The following CYP4F11 variants were observed in gnomAD, a reference collection of about 807,000 sequenced individuals.
The protein encoded by CYP4F11 is cytochrome P450 4F11.
A neutral mutation model predicts 62.2 loss-of-function variants in CYP4F11; 79 were observed. The ratio of observed to expected loss-of-function variants is 1.27; its 90% CI spans 1.06 to 1.53. CYP4F11 has a LOEUF of 1.53. Among genes scored for constraint, CYP4F11 ranks in the 40% most tolerant of loss-of-function variants. The pLI, the probability that CYP4F11 is intolerant of heterozygous loss-of-function variation, is 0.00. For missense variants in CYP4F11, 777 were observed against 680.5 expected (o/e 1.14, Z -1.58); for synonymous variants, 290 against 263.7 (o/e 1.10, Z -0.97).
chr19:15,913,950 C>A, intron 11 of CYP4F11, 41 bp from the exon 12 acceptor site: 2 of 1,578,298 alleles, frequency 1.3e-6, no homozygotes, highest in South Asian at 2.4e-5. Context: ...GCCCATGACC[C>A]CCATCCCGGC....
rs1350859276 is a variant in CYP4F11 at position 15,912,519 on chromosome 19, A to G, written c.*1213T>C. The G allele has an allele frequency of 2.6e-5, 4 of 151,890 alleles. No homozygotes were observed. The highest frequency in any genetic ancestry group is 6.6e-5 in the Admixed American group (1 of 15,238). 9.4% of individuals were successfully genotyped at this position (151,890 alleles called of 1,614,324 possible). The stretch of plus-strand genomic sequence containing the variant: ...AAGGAGATCAGCTACAGAAGAGATT[A>G]GAGAAGTCAACAGGGTTTAGCGATG... On this transcript the variant is annotated 3_prime_UTR_variant, in exon 12 of 12. Transcript: ENST00000402119.
chr19:15,923,663 G>C (rs965039125), intron 6 of CYP4F11, 149 bp downstream of exon 6: 2 of 1,107,280 alleles, frequency 1.8e-6, no homozygotes, highest in Admixed American at 2.5e-5. Context: ...GAATTCCACA[G>C]AGTCATCTCT....
chr19:15,929,695 C>A, intron 1 of CYP4F11, 94 bp from the exon 2 acceptor site: 1 of 1,392,086 alleles, frequency 7.2e-7, no homozygotes, highest in Non-Finnish European at 9.8e-7. Flanking sequence ...CCAAGAGATG[C>A]CCAGATAAAA....
intron 1 of CYP4F11, among the ~76,000 whole-genome samples, chr19:15,930,236 G>A (rs1348451561): frequency 6.6e-6 from 1 of 152,152 alleles, no homozygotes; most frequent in Non-Finnish European, 1.5e-5. Flanking sequence ...TCTGGATTCT[G>A]AACAGCTGCA....
rs371022328 is a variant in CYP4F11 at position 15,924,082 on chromosome 19, C to T, written c.648G>A (p.Glu216=). ...TGGCGGCAATATATTCACTGGGCTT[C>T]CTGCATGAAGGAGGTAACAACTTAA... ...CVFSFESNCQ[E]KPSEYIAAIL... is the part of the protein sequence containing the mutation. Residue 216 remains glutamate, a splice_region_variant and synonymous_variant, in exon 6 of 12, where the codon GAG becomes GAA. Transcript: ENST00000402119. The T allele has an allele frequency of 2.5e-6, 4 of 1,612,886 alleles. No homozygotes were observed. Among genetic ancestry groups the T allele is most frequent in the East Asian group, 4.5e-5 (2 of 44,848 alleles).
chr19:15,927,620 G>C, intron 2 of CYP4F11, 137 bp from the exon 3 acceptor site: 1 of 1,170,638 alleles, frequency 8.5e-7, no homozygotes, highest in Non-Finnish European at 1.2e-6. Context: ...CAAGGGTAGA[G>C]GAAGAAGGGA....
At chr19:15,917,688 GA>G (rs1396716701) in intron 8 of CYP4F11, among the ~76,000 whole-genome samples, 1 of 151,812 alleles carries the variant, frequency 6.6e-6, no homozygotes, top group Non-Finnish European at 1.5e-5. Flanking sequence ...ACAAAAGACA[GA>G]AAAAAAGATT....
rs373943777 is a variant in CYP4F11, at chr19:15,934,456, G to C, written c.-48C>G. 1.9e-6 allele frequency: 3 copies of C among 1,601,606 alleles called. No homozygotes were observed. In the Admixed American group the frequency reaches 5.3e-5, roughly 28 times the overall value. On this transcript the variant is annotated 5_prime_UTR_variant, in exon 1 of 12. Transcript: ENST00000402119. The stretch of plus-strand genomic sequence containing the variant: ...GGGTGGGATCCTGAGGCCCAGGGAA[G>C]GGCCCAGGAAGCTCCAAGGACAGTG...
intron 2 of CYP4F11, among the ~76,000 whole-genome samples, chr19:15,928,728 C>A (rs2089687948): frequency 6.6e-6 from 1 of 152,158 alleles, no homozygotes; most frequent in Admixed American, 6.5e-5. Flanking sequence ...CTGGCCTGTT[C>A]AAGCACAGGA....
Position 15,934,294 on chromosome 19 carries a change from A to C in CYP4F11, c.115T>G (p.Tyr39Asp). Reference protein sequence around the residue: ...WLLARVLAWTYTFYDNCRRLQ... With the variant: ...WLLARVLAWTDTFYDNCRRLQ... ...CGGCGGCAGTTGTCATAGAAGGTGT[A>C]GGTCCAGGCCAGGACGCGGGCCAGG... Residue 39 changes from tyrosine to aspartate, a missense_variant, in exon 1 of 12, where the codon TAC (tyrosine) becomes GAC (aspartate). By Grantham distance (160) the Tyr-to-Asp change is radical. Transcript: ENST00000402119. 6.2e-7 allele frequency: 1 copy of C among 1,613,826 alleles called. No individual in the cohort carries two copies. The highest frequency in any genetic ancestry group is 8.5e-7 in the Non-Finnish European group (1 of 1,179,830).
At chr19:15,919,675 C>T (rs574209450) in intron 8 of CYP4F11, among the ~76,000 whole-genome samples, 3 of 151,950 alleles carry the variant, frequency 2.0e-5, no homozygotes, top group African/African-American at 7.2e-5. Flanking sequence ...AATCTGTTCT[C>T]ATCATTGCTT....
intron 7 of CYP4F11, 53 bp downstream of exon 7, chr19:15,922,311 C>T: frequency 2.5e-6 from 4 of 1,609,182 alleles, no homozygotes; most frequent in South Asian, 2.2e-5. Context: ...CCACTACGTT[C>T]CTGGGATGGA....
chr19:15,925,759 C>CACACACACACACA (rs1555777902), intron 4 of CYP4F11, among the ~76,000 whole-genome samples: 7 of 148,932 alleles, frequency 4.7e-5, no homozygotes, highest in South Asian at 2.2e-4. Context: ...CACACACACA[C>CACACACACACACA]CCTGTAGTTG....
intron 6 of CYP4F11, among the ~76,000 whole-genome samples, chr19:15,923,238 C>CTCTCTCTCT (rs2089642090): frequency 1.8e-5 from 2 of 110,458 alleles, no homozygotes; most frequent in African/African-American, 3.6e-5. Flanking sequence ...AAGCAAACAT[C>CTCTCTCTCT]CTCTCTCTCT....
chr19:15,914,294 G>A lies in CYP4F11; in HGVS notation c.1397+11C>T. On this transcript the variant is annotated intron_variant, in intron 11 of 11. Coordinates refer to ENST00000402119, the MANE Select transcript of CYP4F11 (RefSeq NM_021187.4). Reference sequence around the variant, plus strand: ...CATGCCATCTCTGCCTCAGACACAGGCCATCCTTACCTGGGCCCTGCCGAG... The same window carrying A: ...CATGCCATCTCTGCCTCAGACACAGACCATCCTTACCTGGGCCCTGCCGAG... 2 of 1,613,392 alleles carry A rather than the reference G, an allele frequency of 1.2e-6. No individual in the cohort carries two copies. Among genetic ancestry groups the A allele is most frequent in the Non-Finnish European group, 8.5e-7 (1 of 1,179,492 alleles).
Position 15,923,768 on chromosome 19 carries a change from A to G in CYP4F11, c.918+44T>C, listed in dbSNP as rs201872152. The G allele has an allele frequency of 1.0e-4, 161 of 1,581,744 alleles. 1 individual carries two copies. The African/African-American group carries it at 1.9e-3, about 19-fold the overall frequency. On this transcript the variant is annotated intron_variant, in intron 6 of 11. Coordinates refer to ENST00000402119, the MANE Select transcript of CYP4F11 (RefSeq NM_021187.4). ...AGTTCTTTCATTTGACAGAGGCATA[A>G]ATCTCCACTCTATTACTTGAATTCA...
At chr19:15,916,654 G>A (rs1175620050) in intron 8 of CYP4F11, among the ~76,000 whole-genome samples, 3 of 151,962 alleles carry the variant, frequency 2.0e-5, no homozygotes, top group Non-Finnish European at 2.9e-5. Context: ...ATGTACAAAC[G>A]GTGAACAAAC....
chr19:15,919,027 GTA>G (rs141396041), intron 8 of CYP4F11, among the ~76,000 whole-genome samples: 6 of 148,596 alleles, frequency 4.0e-5, no homozygotes, highest in African/African-American at 4.9e-5. Context: ...AAAATACATA[GTA>G]TATATATATA....
intron 8 of CYP4F11, among the ~76,000 whole-genome samples, chr19:15,919,232 G>A: frequency 6.8e-6 from 1 of 146,580 alleles, no homozygotes; most frequent in Middle Eastern, 3.6e-3. Flanking sequence ...AAATAAATAT[G>A]TTAATAAATT....
Sources: gnomAD v4.1 joint callset for allele counts (sites outside exome capture counted in the v4.1 genomes callset) on GRCh38, gnomAD v4.1.1 for gene constraint, MANE v1.5 for transcripts, NCBI Gene and HGNC (gene_info 2026-07-23, HGNC 2026-07-21) for gene names.